RAP1GAP2: variants seen among roughly 807,000 people sequenced by gnomAD.
RAP1GAP2 encodes rap1 GTPase-activating protein 2.
Under a neutral mutation model 95.0 loss-of-function variants are expected in RAP1GAP2, and 27 were observed. That is an observed-to-expected ratio of 0.28 (90% CI 0.21 to 0.39). The LOEUF (loss-of-function observed/expected upper bound fraction) is 0.39, where lower values mean the gene tolerates loss of function less well. Ranked by LOEUF, RAP1GAP2 falls within the 10% of genes least tolerant of loss-of-function variation. The pLI, the probability that RAP1GAP2 is intolerant of heterozygous loss-of-function variation, is 1.00. For missense variants in RAP1GAP2, 771 were observed against 970.0 expected (o/e 0.79, Z 2.72); for synonymous variants, 373 against 380.9 (o/e 0.98, Z 0.24).
intron 1 of RAP1GAP2, among the ~76,000 whole-genome samples, chr17:2,788,994 C>T (rs1445205035): frequency 6.6e-6 from 1 of 152,188 alleles, no homozygotes; most frequent in East Asian, 1.9e-4. Context: ...TTAACCAGCA[C>T]AGAGATATTG....
intron 2 of RAP1GAP2, among the ~76,000 whole-genome samples, chr17:2,812,990 C>CAAAA (rs748557335): frequency 7.3e-6 from 1 of 137,048 alleles, no homozygotes; most frequent in Non-Finnish European, 1.6e-5. Context: ...AACTCCGTCT[C>CAAAA]AAAAAAAAAA....
chr17:2,962,088 G>C (rs1162890222), intron 4 of RAP1GAP2, among the ~76,000 whole-genome samples: 1 of 152,016 alleles, frequency 6.6e-6, no homozygotes, highest in East Asian at 1.9e-4. Flanking sequence ...TTTTAGTAGA[G>C]ACAGGGTTTC....
chr17:3,024,549 A>T (rs765529095), intron 19 of RAP1GAP2, among the ~76,000 whole-genome samples: 8 of 152,178 alleles, frequency 5.3e-5, no homozygotes, highest in Non-Finnish European at 8.8e-5. Context: ...CTAGGTGTAT[A>T]CCCAAGAGAG....
At chr17:2,988,793 G>A (rs905629278) in intron 11 of RAP1GAP2, among the ~76,000 whole-genome samples, 5 of 152,318 alleles carry the variant, frequency 3.3e-5, no homozygotes, top group Non-Finnish European at 7.3e-5. Flanking sequence ...CGGGCGCAGT[G>A]GCTCACGCCT....
intron 19 of RAP1GAP2, 53 bp downstream of exon 19, chr17:3,020,648 C>T: frequency 6.7e-7 from 1 of 1,490,028 alleles, no homozygotes; most frequent in Non-Finnish European, 9.3e-7. Context: ...CTGTCAACCC[C>T]CTCCACTGCT....
chr17:2,808,281 T>A (rs2069606955), intron 2 of RAP1GAP2, among the ~76,000 whole-genome samples: 1 of 151,780 alleles, frequency 6.6e-6, no homozygotes, highest in Non-Finnish European at 1.5e-5. Context: ...TGGGTGAAGG[T>A]GAGAAGAAGG....
At chr17:2,971,845 A>G (rs1287495217) in intron 8 of RAP1GAP2, among the ~76,000 whole-genome samples, 1 of 152,210 alleles carries the variant, frequency 6.6e-6, no homozygotes, top group African/African-American at 2.4e-5. Context: ...AGAAATAAAT[A>G]AACTAGAAAT....
At chr17:3,023,680 C>G (rs1202326995) in intron 19 of RAP1GAP2, among the ~76,000 whole-genome samples, 2 of 152,062 alleles carry the variant, frequency 1.3e-5, no homozygotes, top group Admixed American at 1.3e-4. Flanking sequence ...AATATAAGTG[C>G]AGAATGTGCA....
Position 2,965,588 on chromosome 17 carries a change from C to T in RAP1GAP2, c.541C>T (p.Leu181=). The T allele has an allele frequency of 6.2e-7, 1 of 1,612,944 alleles. No individual in the cohort carries two copies. ...CTGSSLGNLI[L]SVKCEEAEGI... is the part of the protein sequence containing the mutation. ...CGGCAGCAGCCTGGGGAACTTGATCCTGTCCGTCAAGTGCGAGGAAGCAGA... is the reference window on the plus strand; with the variant it reads ...CGGCAGCAGCCTGGGGAACTTGATCTTGTCCGTCAAGTGCGAGGAAGCAGA... The change falls in exon 8 of 25, where the codon CTG becomes TTG. Residue 181 remains leucine (L), a synonymous_variant. Coordinates refer to ENST00000254695, the MANE Select transcript of RAP1GAP2 (RefSeq NM_015085.5). The surrounding 1 kb of genome is among the most constrained non-coding windows in gnomAD (Gnocchi z 4.7).
upstream of RAP1GAP2, among the ~76,000 whole-genome samples, chr17:2,792,399 A>T (rs1317295898): frequency 6.6e-6 from 1 of 152,190 alleles, no homozygotes; most frequent in Non-Finnish European, 1.5e-5. Flanking sequence ...AGCCTCCCCA[A>T]ATTACAGAAG....
intron 7 of RAP1GAP2, 78 bp downstream of exon 7, chr17:2,964,146 T>G (rs1340589217): frequency 1.7e-5 from 22 of 1,316,520 alleles, no homozygotes; most frequent in Non-Finnish European, 1.9e-5. Flanking sequence ...TACCAGGCGG[T>G]AGGGGATGGG....
chr17:2,813,052 G>C (rs1014702916), intron 2 of RAP1GAP2, among the ~76,000 whole-genome samples: 12 of 151,526 alleles, frequency 7.9e-5, no homozygotes, highest in Non-Finnish European at 4.4e-5. Flanking sequence ...CTGAATGTCG[G>C]AGGGTAGAAC....
chr17:2,815,269 G>A lies in RAP1GAP2; in HGVS notation c.80+14719G>A, dbSNP rs72817372. Among the ~76,000 whole-genome samples the A allele has an allele frequency of 6.2e-3, 950 of 152,158 alleles. 5 individuals carry two copies. The highest frequency in any genetic ancestry group is 0.017 in the Middle Eastern group (5 of 294). On this transcript the variant is annotated intron_variant, in intron 2 of 24. Transcript: ENST00000254695. ...GTGCGGCTCCAGCAGTCAGGTTCACGTACTCTGGGTGACCTGGGGCAGGCT... is the reference window on the plus strand; with the variant it reads ...GTGCGGCTCCAGCAGTCAGGTTCACATACTCTGGGTGACCTGGGGCAGGCT...
intron 12 of RAP1GAP2, among the ~76,000 whole-genome samples, chr17:2,993,364 G>A (rs892951410): frequency 6.6e-6 from 1 of 151,180 alleles, no homozygotes; most frequent in Non-Finnish European, 1.5e-5. Flanking sequence ...ACGAGGTCAG[G>A]AGATTGAGAC....
intron 4 of RAP1GAP2, among the ~76,000 whole-genome samples, chr17:2,958,736 A>C (rs1404856680): frequency 2.6e-5 from 4 of 152,020 alleles, no homozygotes; most frequent in Non-Finnish European, 1.5e-5. Context: ...CTCCAGGCTC[A>C]AGGGAGGAAG....
At chr17:2,842,830 A>G (rs1290539454) in intron 2 of RAP1GAP2, among the ~76,000 whole-genome samples, 1 of 152,092 alleles carries the variant, frequency 6.6e-6, no homozygotes, top group Non-Finnish European at 1.5e-5. Context: ...AGCCAATCCA[A>G]TTCTGTCAAG....
At chr17:2,842,349 G>A (rs1398128419) in intron 2 of RAP1GAP2, among the ~76,000 whole-genome samples, 1 of 152,056 alleles carries the variant, frequency 6.6e-6, no homozygotes, top group Non-Finnish European at 1.5e-5. Flanking sequence ...GGCCAACATG[G>A]TGAAACCCTG....
chr17:2,962,999 A>G lies in RAP1GAP2; in HGVS notation c.246+285A>G, dbSNP rs530289032. 8 of 537,156 alleles carry G rather than the reference A, an allele frequency of 1.5e-5. No individual in the cohort carries two copies. The East Asian group carries it at 2.6e-4, about 17-fold the overall frequency. The allele number at this position is 537,156 out of a possible 1,614,324, so 33.3% of individuals were successfully genotyped here. A position where few individuals can be genotyped will look rare whatever the true frequency, so the allele number is the denominator to read the frequency against. ...GGCCCGGCTCTTCCCTACCCTGTGC[A>G]GTGTGTAAGGGTGTCAGGCTCTGTG... On this transcript the variant is annotated intron_variant, in intron 5 of 24. Coordinates refer to ENST00000254695, the MANE Select transcript of RAP1GAP2 (RefSeq NM_015085.5).
intron 2 of RAP1GAP2, among the ~76,000 whole-genome samples, chr17:2,885,649 A>C (rs1453863010): frequency 6.6e-6 from 1 of 152,212 alleles, no homozygotes; most frequent in African/African-American, 2.4e-5. Context: ...CTAGGGGCTG[A>C]AGCAGTGCCT....
Sources: gnomAD v4.1 joint callset for allele counts (sites outside exome capture counted in the v4.1 genomes callset) on GRCh38, gnomAD v4.1.1 for gene constraint, Gnocchi (gnomAD v3.1) non-coding constraint, MANE v1.5 for transcripts, NCBI Gene and HGNC (gene_info 2026-07-23, HGNC 2026-07-21) for gene names.